C1orf21: variants seen among roughly 807,000 people sequenced by gnomAD.
The protein encoded by C1orf21 is uncharacterized protein C1orf21.
C1orf21 carries 3 observed loss-of-function variants against 18.7 expected under a neutral mutation model. That is an observed-to-expected ratio of 0.16 (90% CI 0.07 to 0.42). C1orf21 has a LOEUF of 0.42. C1orf21 is among the 10% of genes least tolerant of loss of function. C1orf21 has a pLI of 0.99. For synonymous variants in C1orf21, 41 were observed against 46.4 expected (o/e 0.88, Z 0.47); for missense variants, 104 against 143.6 (o/e 0.72, Z 1.41).
intron 1 of C1orf21, among the ~76,000 whole-genome samples, chr1:184,435,971 G>A (rs1381207663): frequency 2.0e-5 from 3 of 152,190 alleles, no homozygotes; most frequent in African/African-American, 4.8e-5. Flanking sequence ...AGAAGCAGCC[G>A]TTGCCATTGC....
intron 3 of C1orf21, among the ~76,000 whole-genome samples, chr1:184,553,633 T>A (rs1658841952): frequency 6.6e-6 from 1 of 152,212 alleles, no homozygotes; most frequent in Non-Finnish European, 1.5e-5. Context: ...TTGTAGCAAT[T>A]TGTGAGTCAG....
intron 1 of C1orf21, among the ~76,000 whole-genome samples, chr1:184,426,157 A>G (rs1656633805): frequency 1.3e-5 from 2 of 152,262 alleles, no homozygotes; most frequent in South Asian, 4.1e-4. Flanking sequence ...TTACCCAATC[A>G]TAAATTATCT....
intron 1 of C1orf21, among the ~76,000 whole-genome samples, chr1:184,392,819 C>CTTTTTTTTTTTTTTTTTTTTTTTTT (rs397861528): frequency 1.0e-5 from 1 of 96,822 alleles, no homozygotes; most frequent in Non-Finnish European, 1.9e-5. Context: ...GACATTCCTC[C>CTTTTTTTTTTTTTTTTTTTTTTTTT]TTTTTTTTTT....
intron 1 of C1orf21, among the ~76,000 whole-genome samples, chr1:184,398,913 G>A (rs1656105092): frequency 6.6e-6 from 1 of 152,126 alleles, no homozygotes. Flanking sequence ...ATGGCTGTAT[G>A]TATTTCTAAA....
chr1:184,407,871 G>A (rs922648604), intron 1 of C1orf21, among the ~76,000 whole-genome samples: 35 of 152,266 alleles, frequency 2.3e-4, no homozygotes, highest in African/African-American at 8.4e-4. Context: ...TCTTGGTTGC[G>A]CTGATAGTCA....
intron 3 of C1orf21, among the ~76,000 whole-genome samples, chr1:184,524,620 A>C (rs978981260): frequency 7.9e-5 from 12 of 152,112 alleles, no homozygotes; most frequent in African/African-American, 2.9e-4. Context: ...GTTTTTTTAT[A>C]TAGAACTAGG....
At chr1:184,475,860 A>G (rs1404894658) in intron 1 of C1orf21, among the ~76,000 whole-genome samples, 1 of 152,116 alleles carries the variant, frequency 6.6e-6, no homozygotes, top group East Asian at 1.9e-4. Flanking sequence ...TGGGGAAGAT[A>G]TAAACATTAG....
rs572231416 is a variant in C1orf21, at chr1:184,620,958, G to A, written c.*1402G>A. The A allele has an allele frequency of 1.1e-4, 17 of 152,414 alleles. No homozygotes were observed. Among genetic ancestry groups the A allele is most frequent in the East Asian group, 3.9e-4 (2 of 5,168 alleles). The allele number at this position is 152,414 out of a possible 1,614,324, so 9.4% of individuals were successfully genotyped here. A position where few individuals can be genotyped will look rare whatever the true frequency, so the allele number is the denominator to read the frequency against. On this transcript the variant is annotated 3_prime_UTR_variant, in exon 6 of 6. Coordinates refer to ENST00000235307, the MANE Select transcript of C1orf21 (RefSeq NM_030806.4). ...GGGAGGGCATCCTATTAAATGCCACGCCAGCAGTCCGGGTCTGGGTTTGTC... is the reference window on the plus strand; with the variant it reads ...GGGAGGGCATCCTATTAAATGCCACACCAGCAGTCCGGGTCTGGGTTTGTC...
intron 1 of C1orf21, among the ~76,000 whole-genome samples, chr1:184,393,428 G>A (rs962111843): frequency 1.3e-5 from 2 of 151,974 alleles, no homozygotes; most frequent in African/African-American, 2.4e-5. Flanking sequence ...TCAGGCTCCC[G>A]CCATCTCAAC....
At chr1:184,584,134 T>TTC (rs1659321377) in intron 3 of C1orf21, among the ~76,000 whole-genome samples, 1 of 1,640 alleles carries the variant, frequency 6.1e-4, no homozygotes, top group African/African-American at 9.5e-4. Flanking sequence ...GTTCTTCTTC[T>TTC]TTTTTTTTTT....
intron 3 of C1orf21, chr1:184,567,395 A>G (rs536775678): frequency 3.9e-6 from 2 of 508,874 alleles, no homozygotes; most frequent in South Asian, 3.0e-5. Context: ...GGAACCTCAT[A>G]TCTTTAAAGA....
At chr1:184,556,514 C>A (rs1359407946) in intron 3 of C1orf21, among the ~76,000 whole-genome samples, 1 of 152,168 alleles carries the variant, frequency 6.6e-6, no homozygotes, top group African/African-American at 2.4e-5. Context: ...ATTATTTAAA[C>A]ACAAAACAGG....
Position 184,428,519 on chromosome 1 carries a change from T to C in C1orf21, c.-125+41151T>C, listed in dbSNP as rs115327574. The stretch of plus-strand genomic sequence containing the variant: ...TGAAGAGGGCTGGTCACACTTCATG[T>C]TGTATCAGAATTAACAAAATATACC... On this transcript the variant is annotated intron_variant, in intron 1 of 5. Coordinates refer to ENST00000235307, the MANE Select transcript of C1orf21 (RefSeq NM_030806.4). 6.5e-3 allele frequency among the ~76,000 whole-genome samples: 983 copies of C among 152,300 alleles called. 9 individuals are homozygous for C. Among genetic ancestry groups the C allele is most frequent in the African/African-American group, 0.023 (947 of 41,570 alleles).
chr1:184,422,131 GA>G (rs1182080791), intron 1 of C1orf21, among the ~76,000 whole-genome samples: 1 of 152,204 alleles, frequency 6.6e-6, no homozygotes, highest in African/African-American at 2.4e-5. Flanking sequence ...GATGGCTAGA[GA>G]AAGAGTATCA....
chr1:184,587,932 T>G (rs1659381675), intron 3 of C1orf21, among the ~76,000 whole-genome samples: 1 of 152,178 alleles, frequency 6.6e-6, no homozygotes. Context: ...ACATTGATTT[T>G]GTACCTTGAT....
At chr1:184,575,352 G>C (rs1206493605) in intron 3 of C1orf21, among the ~76,000 whole-genome samples, 2 of 152,096 alleles carry the variant, frequency 1.3e-5, no homozygotes, top group Non-Finnish European at 2.9e-5. Context: ...TAGCACAACA[G>C]AGATGACTCT....
At chr1:184,496,847 G>A (rs1164373116) in intron 2 of C1orf21, among the ~76,000 whole-genome samples, 5 of 152,164 alleles carry the variant, frequency 3.3e-5, no homozygotes, top group Non-Finnish European at 7.4e-5. Flanking sequence ...ATCATTAAAA[G>A]TTCTAGAAAT....
At chr1:184,575,920 T>C (rs1250278366) in intron 3 of C1orf21, among the ~76,000 whole-genome samples, 1 of 150,572 alleles carries the variant, frequency 6.6e-6, no homozygotes, top group East Asian at 2.0e-4. Context: ...GCCACAGAGG[T>C]GGAAGGATTG....
intron 3 of C1orf21, among the ~76,000 whole-genome samples, chr1:184,574,113 G>T (rs548051646): frequency 1.2e-4 from 18 of 152,270 alleles, no homozygotes; most frequent in Admixed American, 1.0e-3. Context: ...GCTGATACAG[G>T]AGAATCGCTT....
Sources: allele counts gnomAD v4.1 joint callset (sites outside exome capture counted in the v4.1 genomes callset), GRCh38; gene constraint gnomAD v4.1.1; transcripts MANE v1.5; gene names NCBI Gene and HGNC (gene_info 2026-07-23, HGNC 2026-07-21).